Variants in KPNA3 observed in about 807,000 individuals in gnomAD.
The protein encoded by KPNA3 is karyopherin subunit alpha 3.
In KPNA3, 13 loss-of-function variants were observed where a neutral mutation model predicts 73.8. That is an observed-to-expected ratio of 0.18 (90% CI 0.11 to 0.28). The LOEUF (loss-of-function observed/expected upper bound fraction) is 0.28. Among genes scored for constraint, KPNA3 ranks in the 10% least tolerant of loss-of-function variants. KPNA3 has a pLI of 1.00. For missense variants in KPNA3, 360 were observed against 618.1 expected (o/e 0.58, Z 4.43); for synonymous variants, 186 against 206.9 (o/e 0.90, Z 0.87).
chr13:49,721,737 G>A (rs542130866), intron 9 of KPNA3, among the ~76,000 whole-genome samples: 3 of 152,078 alleles, frequency 2.0e-5, no homozygotes, highest in Non-Finnish European at 2.9e-5. Flanking sequence ...GGAGAATGGC[G>A]TGAACCCAGG....
rs147237276 is a variant in KPNA3 at position 49,722,617 on chromosome 13, G to T, written c.470-54C>A. The T allele has an allele frequency of 4.0e-5, 46 of 1,138,410 alleles. No individual in the cohort carries two copies. In the African/African-American group the frequency reaches 5.8e-4, roughly 14 times the overall value. 70.5% of individuals were successfully genotyped at this position (1,138,410 alleles called of 1,614,324 possible). A position where few individuals can be genotyped will look rare whatever the true frequency, so the allele number is the denominator to read the frequency against. On this transcript the variant is annotated intron_variant, in intron 7 of 16. Coordinates refer to ENST00000261667, the MANE Select transcript of KPNA3 (RefSeq NM_002267.4). The stretch of plus-strand genomic sequence containing the variant: ...CTAGCAACATGTTGAAGAGTTTACA[G>T]ATTTCAGATCAAAGAAATTGATCAA...
chr13:49,748,387 C>T (rs983011948), intron 1 of KPNA3, among the ~76,000 whole-genome samples: 3 of 152,100 alleles, frequency 2.0e-5, no homozygotes, highest in Non-Finnish European at 4.4e-5. Flanking sequence ...TATATCTCCC[C>T]TCTAACATAC....
rs894102945 is a variant in KPNA3, at chr13:49,761,767, C to T, written c.70-14774G>A. ...CTGGGAAGTGAGGAGCGCCTCTTCCCGGCTGCCATCCCGTCTAGGAAGCGA... is the reference window on the plus strand; with the variant it reads ...CTGGGAAGTGAGGAGCGCCTCTTCCTGGCTGCCATCCCGTCTAGGAAGCGA... On this transcript the variant is annotated intron_variant, in intron 1 of 16. Coordinates refer to ENST00000261667, the MANE Select transcript of KPNA3 (RefSeq NM_002267.4). Among the ~76,000 whole-genome samples, 6 of 152,072 alleles carry T rather than the reference C, an allele frequency of 3.9e-5. No individual in the cohort carries two copies. The East Asian group carries it at 5.9e-4, about 15-fold the overall frequency.
chr13:49,780,016 C>T (rs1484956925), intron 1 of KPNA3, among the ~76,000 whole-genome samples: 1 of 152,126 alleles, frequency 6.6e-6, no homozygotes, highest in Non-Finnish European at 1.5e-5. Context: ...TTCACCTCTT[C>T]TCCTAATATG....
intron 1 of KPNA3, among the ~76,000 whole-genome samples, chr13:49,780,998 G>C (rs1954936592): frequency 1.3e-5 from 2 of 152,148 alleles, no homozygotes; most frequent in African/African-American, 4.8e-5. Context: ...TGGGATTACA[G>C]GTGTAAGGCC....
intron 1 of KPNA3, among the ~76,000 whole-genome samples, chr13:49,780,723 T>A: frequency 6.7e-6 from 1 of 150,286 alleles, no homozygotes; most frequent in Non-Finnish European, 1.5e-5. Flanking sequence ...ATATTTCTTT[T>A]TTTTTTTTTT....
intron 10 of KPNA3, among the ~76,000 whole-genome samples, chr13:49,713,605 T>C (rs1954279801): frequency 6.9e-6 from 1 of 145,032 alleles, no homozygotes; most frequent in Non-Finnish European, 1.5e-5. Flanking sequence ...AGAAATTTAA[T>C]AGCCTTATAT....
chr13:49,732,394 G>A lies in KPNA3; in HGVS notation c.360C>T (p.Val120=), dbSNP rs377249873. The change falls in exon 6 of 17, where the codon GTC becomes GTT. Residue 120 remains valine, a synonymous_variant. Coordinates refer to ENST00000261667, the MANE Select transcript of KPNA3 (RefSeq NM_002267.4). ...LIKSGILPIL[V]KCLERDDNPS... ...ACTTATCATCCCTTTCTAGACATTT[G>A]ACTAGAATTGGTAAAATCCCAGATT... The A allele has an allele frequency of 1.5e-4, 235 of 1,583,040 alleles. No individual in the cohort carries two copies. Among genetic ancestry groups the A allele is most frequent in the Non-Finnish European group, 2.0e-4 (228 of 1,156,532 alleles).
intron 6 of KPNA3, among the ~76,000 whole-genome samples, chr13:49,731,631 T>C (rs777601720): frequency 6.6e-6 from 1 of 152,130 alleles, no homozygotes; most frequent in Non-Finnish European, 1.5e-5. Flanking sequence ...TTTAGCAAAA[T>C]ATCCCAAGTT....
intron 2 of KPNA3, among the ~76,000 whole-genome samples, chr13:49,733,532 G>T (rs961617092): frequency 2.0e-5 from 3 of 152,072 alleles, no homozygotes; most frequent in Non-Finnish European, 2.9e-5. Context: ...CAAGTGATCC[G>T]CTTGCCGCGG....
At chr13:49,716,892 C>T (rs1362848958) in intron 10 of KPNA3, among the ~76,000 whole-genome samples, 1 of 152,126 alleles carries the variant, frequency 6.6e-6, no homozygotes, top group Non-Finnish European at 1.5e-5. Context: ...TTTCATCAAT[C>T]CCTTAAATAC....
intron 1 of KPNA3, among the ~76,000 whole-genome samples, chr13:49,757,296 A>G (rs548589752): frequency 6.6e-6 from 1 of 152,192 alleles, no homozygotes; most frequent in South Asian, 2.1e-4. Context: ...TATCCAAGAA[A>G]GGACTAGTAT....
chr13:49,733,555 C>T (rs1954491349), intron 2 of KPNA3, among the ~76,000 whole-genome samples: 1 of 152,170 alleles, frequency 6.6e-6, no homozygotes, highest in Admixed American at 6.5e-5. Context: ...TCCCAAAGTG[C>T]TGGGATTACA....
chr13:49,765,368 C>T (rs922163528), intron 1 of KPNA3, among the ~76,000 whole-genome samples: 1 of 152,194 alleles, frequency 6.6e-6, no homozygotes, highest in African/African-American at 2.4e-5. Flanking sequence ...ATCAATACAG[C>T]AATGTGGAAC....
chr13:49,792,367 G>T, intron 1 of KPNA3, 71 bp downstream of exon 1: 1 of 1,093,884 alleles, frequency 9.1e-7, no homozygotes, highest in Non-Finnish European at 1.2e-6. Flanking sequence ...GCCCGGCGCC[G>T]GCCCCCCGCC....
chr13:49,714,307 A>C (rs954497493), intron 10 of KPNA3, among the ~76,000 whole-genome samples: 1 of 152,154 alleles, frequency 6.6e-6, no homozygotes, highest in Admixed American at 6.5e-5. Flanking sequence ...AAACAAAAAA[A>C]CAACTAAGAA....
chr13:49,732,528 A>G, intron 5 of KPNA3, 62 bp from the exon 6 acceptor site: 1 of 1,444,074 alleles, frequency 6.9e-7, no homozygotes, highest in Non-Finnish European at 9.7e-7. Flanking sequence ...AGAAATAACA[A>G]CATATTAACT....
chr13:49,716,351 C>A (rs1008020247), intron 10 of KPNA3, among the ~76,000 whole-genome samples: 9 of 152,162 alleles, frequency 5.9e-5, no homozygotes, highest in Non-Finnish European at 1.0e-4. Context: ...TTAGACAAGA[C>A]TATATGATCT....
chr13:49,704,994 G>A (rs898721656), intron 15 of KPNA3, among the ~76,000 whole-genome samples: 1 of 152,190 alleles, frequency 6.6e-6, no homozygotes, highest in African/African-American at 2.4e-5. Flanking sequence ...TAAAATTTAT[G>A]TAGTGTTGTA....
Sources: gnomAD v4.1 joint callset for allele counts (sites outside exome capture counted in the v4.1 genomes callset) on GRCh38, gnomAD v4.1.1 for gene constraint, MANE v1.5 for transcripts, NCBI Gene and HGNC (gene_info 2026-07-23, HGNC 2026-07-21) for gene names.